PDLIM1: variants seen among roughly 807,000 people sequenced by gnomAD.
PDLIM1 encodes PDZ and LIM domain 1, also known as PDZ and LIM domain protein 1.
Under a neutral mutation model 35.2 loss-of-function variants are expected in PDLIM1, and 25 were observed. The ratio of observed to expected loss-of-function variants is 0.71; its 90% CI spans 0.52 to 0.99. The LOEUF is 0.99. Among genes scored for constraint, PDLIM1 ranks in the 50% least tolerant of loss-of-function variants. The pLI is 0.00. For synonymous variants in PDLIM1, 152 were observed against 154.0 expected, an observed-to-expected ratio of 0.99 and a Z score of 0.10; for missense variants, 363 against 415.3, an observed-to-expected ratio of 0.87 and a Z score of 1.09.
At chr10:95,280,650 A>G (rs905440703) in intron 1 of PDLIM1, among the ~76,000 whole-genome samples, 4 of 152,192 alleles carry the variant, frequency 2.6e-5, no homozygotes, top group Non-Finnish European at 4.4e-5. Flanking sequence ...TATTTGTCAA[A>G]TGGTTTAAAT....
intron 1 of PDLIM1, among the ~76,000 whole-genome samples, chr10:95,288,445 T>A (rs1170848755): frequency 6.6e-6 from 1 of 152,168 alleles, no homozygotes; most frequent in South Asian, 2.1e-4. Flanking sequence ...AATCAGAAAG[T>A]GTGTACAGCT....
intron 1 of PDLIM1, among the ~76,000 whole-genome samples, chr10:95,287,314 A>G (rs1407269240): frequency 6.6e-6 from 1 of 152,204 alleles, no homozygotes; most frequent in African/African-American, 2.4e-5. Context: ...TCTTTACGAC[A>G]TGATGTAAAA....
intron 1 of PDLIM1, among the ~76,000 whole-genome samples, chr10:95,280,218 A>G (rs1348094834): frequency 6.6e-6 from 1 of 152,182 alleles, no homozygotes; most frequent in Admixed American, 6.5e-5. Flanking sequence ...TCTACTAAAA[A>G]TACAAAAAAT....
Position 95,268,809 on chromosome 10 carries a change from G to A in PDLIM1, c.302C>T (p.Pro101Leu), listed in dbSNP as rs1377955423. 4 of 1,613,208 alleles carry A rather than the reference G, an allele frequency of 2.5e-6. No homozygotes were observed. In the South Asian group the frequency reaches 4.4e-5, roughly 18 times the overall value. The part of the protein sequence containing the change: ...PLVTEEGKRH[P>L]YKMNLASEPQ... Reference sequence around the variant, plus strand: ...TTCAGAGGCTAAATTCATCTTGTATGGATGACGCTTCCCTTCCTCCGTCAC... The same window carrying A: ...TTCAGAGGCTAAATTCATCTTGTATAGATGACGCTTCCCTTCCTCCGTCAC... Residue 101 changes from proline (P) to leucine (L), a missense_variant, in exon 3 of 7, where the codon CCA becomes CTA. By Grantham distance (98) the Pro-to-Leu change is moderately conservative. Transcript: ENST00000329399.
chr10:95,238,148 A>T (rs755402441), intron 6 of PDLIM1, 37 bp from the exon 7 acceptor site: 3 of 1,589,730 alleles, frequency 1.9e-6, no homozygotes. Context: ...TCCATCAGTG[A>T]CAAGCACCTG....
chr10:95,290,805 C>T lies in PDLIM1; in HGVS notation c.96+15G>A. The T allele has an allele frequency of 6.5e-7, 1 of 1,534,816 alleles. No homozygotes were observed. ...CATAGCGCCCCGCTTCCACGCACGT[C>T]CCAGCTGCTCTTACCCGGGAAATGG... On this transcript the variant is annotated intron_variant, in intron 1 of 6. Transcript: ENST00000329399. The surrounding 1 kb of genome is among the most constrained non-coding windows in gnomAD (Gnocchi z 4.7).
chr10:95,259,935 TG>T (rs1205606044), intron 4 of PDLIM1, among the ~76,000 whole-genome samples: 1 of 152,198 alleles, frequency 6.6e-6, no homozygotes, highest in East Asian at 1.9e-4. Context: ...ATTAGCTGTG[TG>T]GGCTGGCTGA....
chr10:95,255,013 A>C (rs952331470), intron 4 of PDLIM1, among the ~76,000 whole-genome samples: 14 of 152,292 alleles, frequency 9.2e-5, no homozygotes, highest in African/African-American at 3.4e-4. Flanking sequence ...ATGAACAATT[A>C]TACATTAACA....
At chr10:95,272,849 A>G (rs1481876090) in intron 1 of PDLIM1, among the ~76,000 whole-genome samples, 2 of 152,194 alleles carry the variant, frequency 1.3e-5, no homozygotes, top group Non-Finnish European at 2.9e-5. Context: ...CCAAATTGAC[A>G]GATCATTGAT....
In PDLIM1 at chr10:95,263,564, G is replaced by A. The variant is rs183662947; in HGVS notation, c.533+300C>T. ...AAGGAAGGACTATGTTCAATTAGAA[G>A]ATGATGACCACAGAAATCAAAACAC... On this transcript the variant is annotated intron_variant, in intron 4 of 6. Coordinates refer to ENST00000329399, the MANE Select transcript of PDLIM1 (RefSeq NM_020992.4). Among the ~76,000 whole-genome samples the A allele has an allele frequency of 2.3e-3, 343 of 152,330 alleles. 4 individuals are homozygous for A. Among genetic ancestry groups the A allele is most frequent in the Admixed American group, 4.1e-3 (62 of 15,298 alleles).
chr10:95,240,998 T>TTC (rs2035173139), intron 5 of PDLIM1, among the ~76,000 whole-genome samples: 2 of 108,782 alleles, frequency 1.8e-5, no homozygotes, highest in Admixed American at 1.0e-4. Context: ...GGCCTAAGAC[T>TTC]GCATTTCCAA....
chr10:95,257,374 G>GTTT (rs2035325315), intron 4 of PDLIM1, among the ~76,000 whole-genome samples: 1 of 151,912 alleles, frequency 6.6e-6, no homozygotes, highest in African/African-American at 2.4e-5. Context: ...AAACAACAGA[G>GTTT]TGAAAAGGCA....
At chr10:95,255,317 A>G (rs2035303036) in intron 4 of PDLIM1, among the ~76,000 whole-genome samples, 1 of 142,864 alleles carries the variant, frequency 7.0e-6, no homozygotes, top group Admixed American at 7.3e-5. Flanking sequence ...ACCAAAACCA[A>G]AGATACTAAA....
chr10:95,286,505 G>C (rs1418479370), intron 1 of PDLIM1, among the ~76,000 whole-genome samples: 3 of 151,958 alleles, frequency 2.0e-5, no homozygotes, highest in African/African-American at 7.3e-5. Context: ...ATTTTCCCAG[G>C]ATCACCCACC....
At chr10:95,287,686 C>T (rs1227062519) in intron 1 of PDLIM1, among the ~76,000 whole-genome samples, 2 of 151,630 alleles carry the variant, frequency 1.3e-5, no homozygotes, top group Non-Finnish European at 2.9e-5. Flanking sequence ...AAAAAAATAC[C>T]TCAAGGAAAT....
intron 5 of PDLIM1, among the ~76,000 whole-genome samples, chr10:95,243,518 C>T (rs1254378668): frequency 2.0e-5 from 3 of 152,138 alleles, no homozygotes; most frequent in Admixed American, 1.3e-4. Context: ...CTTAACCTTG[C>T]ACCTGGTGGT....
rs754108147 is a variant in PDLIM1, at chr10:95,290,837, G to T, written c.79C>A (p.Pro27Thr). ...GCTCTTACCCGGGAAATGGCGAGAG[G>T]CTGCTCGAAGTCCTTGCCGCCCACG... ...RLVGGKDFEQ[P>T]LAISRVTPGS... Residue 27 changes from proline to threonine, a missense_variant, in exon 1 of 7, where the codon CCT becomes ACT. Transcript: ENST00000329399. This position sits in a 1 kb window ranked among gnomAD's most constrained non-coding sequence, Gnocchi z 4.7. The T allele has an allele frequency of 2.4e-5, 37 of 1,563,302 alleles. No homozygotes were observed. Among genetic ancestry groups the T allele is most frequent in the Non-Finnish European group, 3.2e-5 (37 of 1,154,278 alleles).
At chr10:95,270,381 C>T (rs1228833344) in intron 2 of PDLIM1, among the ~76,000 whole-genome samples, 2 of 150,834 alleles carry the variant, frequency 1.3e-5, no homozygotes, top group South Asian at 2.1e-4. Flanking sequence ...GAGAATCTAA[C>T]CAAAGGCTCC....
intron 3 of PDLIM1, 98 bp from the exon 4 acceptor site, chr10:95,264,161 G>T: frequency 2.0e-6 from 2 of 978,040 alleles, no homozygotes; most frequent in Non-Finnish European, 3.1e-6. Context: ...TGTTCCAGCT[G>T]CTAAGATGGC....
Sources: allele counts gnomAD v4.1 joint callset (sites outside exome capture counted in the v4.1 genomes callset), GRCh38; gene constraint gnomAD v4.1.1; non-coding constraint Gnocchi (gnomAD v3.1); transcripts MANE v1.5; gene names NCBI Gene and HGNC (gene_info 2026-07-23, HGNC 2026-07-21).